The following CLK1 variants were observed in gnomAD, a reference collection of about 807,000 sequenced individuals.
CLK1 encodes CDC like kinase 1.
CLK1 carries 40 observed loss-of-function variants against 60.9 expected under a neutral mutation model. The ratio of observed to expected loss-of-function variants is 0.66; its 90% confidence interval spans 0.51 to 0.86. CLK1 has a LOEUF of 0.86. CLK1 is among the 40% of genes least tolerant of loss of function. The pLI is 0.00. For missense variants in CLK1, 563 were observed against 606.1 expected, an observed-to-expected ratio of 0.93 and a Z score of 0.75; for synonymous variants, 203 against 184.4, an observed-to-expected ratio of 1.10 and a Z score of -0.82.
intron 12 of CLK1, 105 bp from the exon 13 acceptor site, chr2:200,853,554 A>C: frequency 9.1e-7 from 1 of 1,103,162 alleles, no homozygotes; most frequent in Non-Finnish European, 1.3e-6. Context: ...TAAAAACAGA[A>C]AAGAGGCCAG....
In CLK1 at chr2:200,853,968, G is replaced by T; in HGVS notation, c.1246C>A (p.Arg416=). The change falls in exon 12 of 13, where the codon CGA becomes AGA. Residue 416 remains arginine, a synonymous_variant. Coordinates refer to ENST00000321356, the MANE Select transcript of CLK1 (RefSeq NM_004071.4). ...GAACTGTGTTCATCCCAGTCTAATC[G>T]ATCGTGGTGAAAATATTTACGTTTC... is the stretch of plus-strand genomic sequence containing the variant. ...TRKRKYFHHD[R]LDWDEHSSAG... is the part of the protein sequence containing the mutation. 1.9e-6 allele frequency: 3 copies of T among 1,609,782 alleles called. No individual in the cohort carries two copies. The South Asian group carries it at 3.3e-5, about 18-fold the overall frequency.
intron 1 of CLK1, chr2:200,863,968 C>T (rs543973761): frequency 1.9e-6 from 2 of 1,055,698 alleles, no homozygotes; most frequent in Middle Eastern, 2.1e-4. Context: ...CAGCATTTCT[C>T]TTTCCTTGGG....
At chr2:200,863,120 CCT>C (rs1221833295) in intron 1 of CLK1, 1 of 151,972 alleles carries the variant, frequency 6.6e-6, no homozygotes, top group Non-Finnish European at 1.5e-5. Flanking sequence ...CGGCGGGACC[CCT>C]CTGTGTCTTC....
Position 200,861,315 on chromosome 2 carries a change from A to G in CLK1, c.313T>C (p.Ser105Pro). ...SRYQNHSSKS[S>P]GRSGRSSYKS... ...TAACTACTTCTTCCACTTCTACCAG[A>G]AGACTTGCTACTATGGTTCTGATAC... The change falls in exon 3 of 13, where the codon TCT becomes CCT. Residue 105 changes from serine (S) to proline (P), a missense_variant. By Grantham distance (74) the Ser-to-Pro change is moderately conservative. This residue lies in a region of CLK1 where 198 missense variants were observed against 179.2 expected (regional missense o/e 1.10). Transcript: ENST00000321356. The G allele has an allele frequency of 6.2e-7, 1 of 1,614,144 alleles. No homozygotes were observed. The highest frequency in any genetic ancestry group is 8.5e-7 in the Non-Finnish European group (1 of 1,180,010).
intron 1 of CLK1, 87 bp from the exon 2 acceptor site, chr2:200,861,949 C>A: frequency 8.6e-7 from 1 of 1,163,068 alleles, no homozygotes; most frequent in Admixed American, 2.4e-5. Flanking sequence ...CCCTCGTGAC[C>A]TCGTTTTAAG....
intron 5 of CLK1, among the ~76,000 whole-genome samples, chr2:200,859,329 G>A (rs189756014): frequency 3.0e-4 from 46 of 152,266 alleles, no homozygotes; most frequent in Admixed American, 2.7e-3. Flanking sequence ...AAAGGTCTGG[G>A]GTAGGCAAAC....
At chr2:200,853,856 A>AGAAGAAACTCAGTTTT in intron 12 of CLK1, 47 bp downstream of exon 12, 1 of 1,435,834 alleles carries the variant, frequency 7.0e-7, no homozygotes, top group Non-Finnish European at 9.6e-7. Context: ...AAAGACAAAC[A>AGAAGAAACTCAGTTTT]GAAGAAACTC....
Position 200,856,754 on chromosome 2 carries a change from C to T in CLK1, c.985G>A (p.Ala329Thr). Residue 329 changes from alanine (A) to threonine (T), a missense_variant, in exon 9 of 13, where the codon GCA becomes ACA. Coordinates refer to ENST00000321356, the MANE Select transcript of CLK1 (RefSeq NM_004071.4). ...CTGTGATGTTCGTCATCATATGTTG[C>T]ACTACCAAAGTCTACAACTTTAATA... ...PDIKVVDFGS[A>T]TYDDEHHSTL... The T allele has an allele frequency of 1.9e-6, 3 of 1,613,456 alleles. No individual in the cohort carries two copies. The highest frequency in any genetic ancestry group is 2.5e-6 in the Non-Finnish European group (3 of 1,179,714).
In CLK1 at chr2:200,854,693, T is replaced by C; in HGVS notation, c.1143A>G (p.Thr381=). 6.3e-7 allele frequency: 1 copy of C among 1,598,544 alleles called. No homozygotes were observed. The highest frequency in any genetic ancestry group is 8.6e-7 in the Non-Finnish European group (1 of 1,166,484). ...EYYLGFTVFP[T]HDSKEHLAMM... The stretch of plus-strand genomic sequence containing the variant: ...TTGCTAAATGCTCCTTACTATCGTG[T>C]GTCTAGAAATAAAATAAAAACAGAC... Residue 381 remains threonine, a splice_region_variant and synonymous_variant, in exon 11 of 13, where the codon ACA becomes ACG. Transcript: ENST00000321356.
In CLK1 at chr2:200,855,031, T is replaced by C. The variant is rs753251818; in HGVS notation, c.1113A>G (p.Glu371=). Residue 371 remains glutamate, a synonymous_variant, in exon 10 of 13, where the codon GAA becomes GAG. Transcript: ENST00000321356. ...GAAATACGGTAAACCCAAGATAGTA[T>C]TCAATAAGAATGCATCCTATGCTCC... is the stretch of plus-strand genomic sequence containing the variant. ...DVWSIGCILI[E]YYLGFTVFPT... 3 of 1,613,118 alleles carry C rather than the reference T, an allele frequency of 1.9e-6. No individual in the cohort carries two copies. Among genetic ancestry groups the C allele is most frequent in the African/African-American group, 1.3e-5 (1 of 74,980 alleles).
chr2:200,859,183 A>G (rs1400184107), intron 5 of CLK1, among the ~76,000 whole-genome samples: 6 of 152,014 alleles, frequency 3.9e-5, no homozygotes, highest in Non-Finnish European at 2.9e-5. Flanking sequence ...CTCTGTCTCG[A>G]GAAAAAAAAA....
chr2:200,862,425 C>T (rs933138535), intron 1 of CLK1, among the ~76,000 whole-genome samples: 24 of 151,874 alleles, frequency 1.6e-4, no homozygotes, highest in African/African-American at 5.8e-4. Flanking sequence ...TTATAATCTC[C>T]CCCACCCTTA....
Position 200,861,806 on chromosome 2 carries a change from A to G in CLK1, c.57T>C (p.Tyr19=), listed in dbSNP as rs1442308063. Residue 19 remains tyrosine (Y), a synonymous_variant, in exon 2 of 13, where the codon TAT becomes TAC. Transcript: ENST00000321356. The stretch of plus-strand genomic sequence containing the variant: ...GACTGCTGCTGCTCCTCCATTTTCC[A>G]TAATCCCAATCCTTGTCATCCCAAT... ...CPDWDDKDWD[Y]GKWRSSSSHK... The G allele has an allele frequency of 6.2e-7, 1 of 1,613,928 alleles. No homozygotes were observed. The highest frequency in any genetic ancestry group is 1.7e-5 in the Admixed American group (1 of 59,994).
At chr2:200,858,416 C>T (rs990956104) in intron 5 of CLK1, among the ~76,000 whole-genome samples, 4 of 152,072 alleles carry the variant, frequency 2.6e-5, no homozygotes, top group Non-Finnish European at 5.9e-5. Flanking sequence ...GCTCTAGGAC[C>T]GGGAGCAGTG....
Position 200,862,390 on chromosome 2 carries a change from T to A in CLK1, c.1-528A>T, listed in dbSNP as rs926040097. ...CCTAACTGATCAATATACTTTGTAATCTCCCCCACCCTTAGGAAGGTTCTT... is the reference window on the plus strand; with the variant it reads ...CCTAACTGATCAATATACTTTGTAAACTCCCCCACCCTTAGGAAGGTTCTT... On this transcript the variant is annotated intron_variant, in intron 1 of 12. Coordinates refer to ENST00000321356, the MANE Select transcript of CLK1 (RefSeq NM_004071.4). 1.3e-3 allele frequency among the ~76,000 whole-genome samples: 195 copies of A among 152,222 alleles called. 1 individual carries two copies. Among genetic ancestry groups the A allele is most frequent in the Non-Finnish European group, 4.6e-4 (31 of 68,024 alleles).
intron 1 of CLK1, 105 bp downstream of exon 1, chr2:200,864,459 G>A (rs893003783): frequency 5.9e-6 from 3 of 511,990 alleles, no homozygotes; most frequent in South Asian, 3.2e-5. Flanking sequence ...TCGTCGCGCC[G>A]GGGACGGCGG....
At chr2:200,863,754 T>G (rs2039182598) in intron 1 of CLK1, among the ~76,000 whole-genome samples, 1 of 152,012 alleles carries the variant, frequency 6.6e-6, no homozygotes, top group Non-Finnish European at 1.5e-5. Flanking sequence ...TCCCGGAGGC[T>G]GAAGCAGGAG....
At chr2:200,864,492 G>A (rs112333584) in intron 1 of CLK1, 72 bp downstream of exon 1, 14 of 452,514 alleles carry the variant, frequency 3.1e-5, no homozygotes, top group African/African-American at 4.1e-5. Context: ...CAGGAAAAGG[G>A]GGCATCGCCA....
chr2:200,854,952 A>C (rs1575075471), intron 10 of CLK1, 52 bp downstream of exon 10: 1 of 1,378,856 alleles, frequency 7.3e-7, no homozygotes, highest in East Asian at 2.3e-5. Context: ...ATTCATATAA[A>C]CAGGCACCTT....
Sources: gnomAD v4.1 joint callset for allele counts (sites outside exome capture counted in the v4.1 genomes callset) on GRCh38, gnomAD v4.1.1 for gene constraint, gnomAD v4.1.1 regional missense constraint, MANE v1.5 for transcripts, NCBI Gene and HGNC (gene_info 2026-07-23, HGNC 2026-07-21) for gene names.